Variants in RP1 observed in about 807,000 individuals in gnomAD.
RP1 encodes the protein oxygen-regulated protein 1.
Under a neutral mutation model 14.8 loss-of-function variants are expected in RP1, and 16 were observed. The observed-to-expected ratio is 1.08, with a 90% CI of 0.73 to 1.65. RP1 has a LOEUF of 1.65. Among genes scored for constraint, RP1 ranks in the 40% most tolerant of loss-of-function variants. RP1 has a pLI of 0.00. For synonymous variants in RP1, 876 were observed against 883.6 expected, an observed-to-expected ratio of 0.99 and a Z score of 0.15; for missense variants, 2,631 against 2,535.0, an observed-to-expected ratio of 1.04 and a Z score of -0.81.
At chr8:54,757,691 G>A (rs1809542794) in intron 21 of RP1, among the ~76,000 whole-genome samples, 1 of 152,226 alleles carries the variant, frequency 6.6e-6, no homozygotes, top group South Asian at 2.1e-4. Flanking sequence ...TAAGCACACT[G>A]AAACTGTTTA....
intron 19 of RP1, among the ~76,000 whole-genome samples, chr8:54,753,648 G>C (rs1388872990): frequency 6.6e-6 from 1 of 152,182 alleles, no homozygotes; most frequent in East Asian, 1.9e-4. Context: ...TAGCACATGA[G>C]GGAGAAGTAT....
upstream of RP1, among the ~76,000 whole-genome samples, chr8:54,613,756 G>T (rs1321132568): frequency 6.6e-6 from 1 of 152,196 alleles, no homozygotes; most frequent in East Asian, 1.9e-4. Flanking sequence ...TTATGAGGAG[G>T]CATTCCAAGT....
chr8:54,740,393 G>A (rs1306079742), intron 19 of RP1, among the ~76,000 whole-genome samples: 2 of 63,848 alleles, frequency 3.1e-5, no homozygotes, highest in African/African-American at 6.8e-5. Flanking sequence ...TAACAAGAAA[G>A]CTTAAAAAGT....
chr8:54,853,750 AAG>A lies in RP1; in HGVS notation c.3990+1032_3990+1033del, dbSNP rs796124012. Reference sequence around the variant, plus strand: ...TCTAAAAAAAAGAGAGAAAGAAAGAAAGAGAGAGAGAAAGAAAGAGAAAGGAA... The same window carrying A: ...TCTAAAAAAAAGAGAGAAAGAAAGAAAGAGAGAGAAAGAAAGAGAAAGGAA... On this transcript the variant is annotated intron_variant, in intron 26 of 28. Coordinates refer to the RP1 transcript ENST00000637698. Among the ~76,000 whole-genome samples, 3 of 146,488 alleles carry A rather than the reference AAG, an allele frequency of 2.0e-5. No homozygotes were observed. In the South Asian group the frequency reaches 6.5e-4, roughly 32 times the overall value.
intron 27 of RP1, among the ~76,000 whole-genome samples, chr8:54,859,158 G>T (rs1034897134): frequency 6.6e-5 from 10 of 151,364 alleles, no homozygotes; most frequent in Non-Finnish European, 1.2e-4. Flanking sequence ...AGTGTTGTCA[G>T]TGTGGAGTGG....
intron 1 of RP1, among the ~76,000 whole-genome samples, chr8:54,585,306 A>C (rs547621356): frequency 6.6e-6 from 1 of 152,304 alleles, no homozygotes; most frequent in Admixed American, 6.5e-5. Flanking sequence ...CTTTTCTTTA[A>C]GAATGTTGAA....
intron 1 of RP1, among the ~76,000 whole-genome samples, chr8:54,561,380 C>T (rs537974395): frequency 1.3e-5 from 2 of 152,246 alleles, no homozygotes; most frequent in South Asian, 2.1e-4. Context: ...TACTTGTCAT[C>T]GACTCCACAG....
intron 1 of RP1, among the ~76,000 whole-genome samples, chr8:54,589,463 T>C (rs1297835196): frequency 6.6e-6 from 1 of 152,080 alleles, no homozygotes; most frequent in East Asian, 1.9e-4. Flanking sequence ...TCAGAGAAAG[T>C]GGAAAAAAAG....
intron 1 of RP1, among the ~76,000 whole-genome samples, chr8:54,568,808 C>T (rs1003527583): frequency 1.3e-5 from 2 of 152,198 alleles, no homozygotes; most frequent in South Asian, 4.1e-4. Context: ...CCACAGGGGA[C>T]AAAATCTGGA....
At chr8:54,712,806 G>T (rs1486693818) in intron 15 of RP1, among the ~76,000 whole-genome samples, 2 of 152,004 alleles carry the variant, frequency 1.3e-5, no homozygotes, top group South Asian at 4.1e-4. Context: ...TTAAGAAATA[G>T]TATTGATACA....
chr8:54,831,405 T>C (rs1811522949), intron 24 of RP1, among the ~76,000 whole-genome samples: 1 of 149,298 alleles, frequency 6.7e-6, no homozygotes, highest in Non-Finnish European at 1.5e-5. Flanking sequence ...TTGTTTCTTT[T>C]TTTTTTTTTT....
intron 24 of RP1, among the ~76,000 whole-genome samples, chr8:54,789,121 G>A (rs1001886206): frequency 2.0e-5 from 3 of 152,180 alleles, no homozygotes; most frequent in Non-Finnish European, 4.4e-5. Flanking sequence ...GGGTCAGCCA[G>A]GAACAAAGAA....
At chr8:54,673,973 T>C in intron 8 of RP1, 1 of 1,402,500 alleles carries the variant, frequency 7.1e-7, no homozygotes. Flanking sequence ...GATTCCATTC[T>C]GTTTATATGA....
chr8:54,679,065 T>C (rs145512156), intron 9 of RP1, among the ~76,000 whole-genome samples: 1 of 152,206 alleles, frequency 6.6e-6, no homozygotes, highest in Non-Finnish European at 1.5e-5. Context: ...ATTTATGAAA[T>C]AACTGATTAG....
intron 25 of RP1, among the ~76,000 whole-genome samples, chr8:54,842,084 GA>G (rs1316814845): frequency 2.0e-5 from 3 of 152,074 alleles, no homozygotes; most frequent in African/African-American, 7.2e-5. Flanking sequence ...GATAACAACT[GA>G]GCTAAATTAA....
At chr8:54,630,950 G>A, downstream of RP1, 2 of 513,618 alleles carry the variant, frequency 3.9e-6, no homozygotes, top group Non-Finnish European at 5.0e-6. Flanking sequence ...CAATTGGTTT[G>A]AATAATTGTG....
chr8:54,748,147 T>G (rs1227813027), intron 19 of RP1, among the ~76,000 whole-genome samples: 1 of 152,226 alleles, frequency 6.6e-6, no homozygotes, highest in African/African-American at 2.4e-5. Context: ...ATCTTGAGAT[T>G]AGCAAAATTA....
At chr8:54,819,010 G>A (rs1226963291) in intron 24 of RP1, among the ~76,000 whole-genome samples, 1 of 151,994 alleles carries the variant, frequency 6.6e-6, no homozygotes, top group African/African-American at 2.4e-5. Context: ...GAGGTGAAAT[G>A]CACTGGAGGG....
chr8:54,758,608 T>A (rs903674448), intron 21 of RP1, among the ~76,000 whole-genome samples: 1 of 152,196 alleles, frequency 6.6e-6, no homozygotes, highest in African/African-American at 2.4e-5. Flanking sequence ...ATGAGCTGCT[T>A]CTCAGAGTAG....
Sources: allele counts gnomAD v4.1 joint callset (sites outside exome capture counted in the v4.1 genomes callset), GRCh38; gene constraint gnomAD v4.1.1; transcripts MANE v1.5; gene names NCBI Gene and HGNC (gene_info 2026-07-23, HGNC 2026-07-21).